The following KANK1 variants were observed in gnomAD, a reference collection of about 807,000 sequenced individuals.
The protein encoded by KANK1 is KN motif and ankyrin repeat domain-containing protein 1.
Under a neutral mutation model 106.2 loss-of-function variants are expected in KANK1, and 109 were observed. The ratio of observed to expected loss-of-function variants is 1.03; its 90% CI spans 0.88 to 1.20. The LOEUF is 1.20. Among genes scored for constraint, KANK1 ranks in the 50% most tolerant of loss-of-function variants. KANK1 has a pLI of 0.00. For missense variants in KANK1, 2,399 were observed against 1,710.7 expected (o/e 1.40, Z -7.10); for synonymous variants, 873 against 652.2 (o/e 1.34, Z -5.16).
chr9:493,636 C>T (rs1171662442), intron 3 of KANK1, among the ~76,000 whole-genome samples: 1 of 149,786 alleles, frequency 6.7e-6, no homozygotes, highest in Non-Finnish European at 1.5e-5. Flanking sequence ...CAACCTCTAC[C>T]TCCCAGGCTC....
intron 1 of KANK1, among the ~76,000 whole-genome samples, chr9:649,006 C>T (rs10156623): frequency 0.46 from 69,421 of 151,966 alleles, 19,934 homozygotes; most frequent in African/African-American, 0.8. Context: ...TACTAAGTGG[C>T]GATGACACTG....
At chr9:599,393 C>T (rs1418327970) in intron 1 of KANK1, among the ~76,000 whole-genome samples, 2 of 151,750 alleles carry the variant, frequency 1.3e-5, no homozygotes, top group Non-Finnish European at 2.9e-5. Context: ...CCCCACTATT[C>T]CTCCAAATAT....
chr9:580,490 T>C (rs759605200), intron 1 of KANK1, among the ~76,000 whole-genome samples: 6 of 152,170 alleles, frequency 3.9e-5, no homozygotes, highest in Non-Finnish European at 7.4e-5. Context: ...AGCTGATTGG[T>C]CCATTTTGAC....
At chr9:598,615 G>GTTTTTTT (rs1306483082) in intron 1 of KANK1, among the ~76,000 whole-genome samples, 5 of 73,332 alleles carry the variant, frequency 6.8e-5, no homozygotes, top group East Asian at 8.6e-4. Flanking sequence ...TGTTTTGTTG[G>GTTTTTTT]TTTTCTTTTT....
intron 1 of KANK1, among the ~76,000 whole-genome samples, chr9:580,745 C>G (rs975582917): frequency 1.3e-5 from 2 of 152,266 alleles, no homozygotes; most frequent in African/African-American, 4.8e-5. Flanking sequence ...GGCGGAGCTG[C>G]CTGCCAGTCC....
intron 1 of KANK1, among the ~76,000 whole-genome samples, chr9:555,129 G>C (rs1013503221): frequency 2.6e-5 from 4 of 152,208 alleles, no homozygotes; most frequent in South Asian, 4.1e-4. Context: ...TCATAAGACA[G>C]TAGAACCCCT....
intron 1 of KANK1, among the ~76,000 whole-genome samples, chr9:581,271 G>T (rs985576895): frequency 4.6e-5 from 7 of 152,204 alleles, no homozygotes; most frequent in Non-Finnish European, 8.8e-5. Context: ...CAGAGGGGGC[G>T]CCGAGAGCAG....
chr9:621,261 T>C (rs1202196402), intron 1 of KANK1, among the ~76,000 whole-genome samples: 3 of 152,308 alleles, frequency 2.0e-5, no homozygotes, highest in Non-Finnish European at 1.5e-5. Context: ...AAATTAATAA[T>C]TTTGAGCTAT....
intron 1 of KANK1, among the ~76,000 whole-genome samples, chr9:654,035 G>A (rs1396688803): frequency 6.6e-6 from 1 of 152,178 alleles, no homozygotes; most frequent in Non-Finnish European, 1.5e-5. Flanking sequence ...CCACATGAAA[G>A]ACACAAACTG....
At chr9:611,922 G>C (rs867492363) in intron 1 of KANK1, among the ~76,000 whole-genome samples, 1 of 152,104 alleles carries the variant, frequency 6.6e-6, no homozygotes, top group South Asian at 2.1e-4. Context: ...GTTTCACCGT[G>C]TTAGCCAGGA....
intron 3 of KANK1, chr9:484,473 A>G (rs2058258166): frequency 6.6e-6 from 1 of 152,236 alleles, no homozygotes; most frequent in Non-Finnish European, 1.5e-5. Flanking sequence ...ATTCTTCAAC[A>G]AAGTTAAAAG....
At chr9:744,168 G>A (rs1450976017) in intron 10 of KANK1, among the ~76,000 whole-genome samples, 1 of 144,048 alleles carries the variant, frequency 6.9e-6, no homozygotes, top group African/African-American at 2.6e-5. Context: ...CACTACTGCT[G>A]CTTGCCTGGT....
rs530846005 is a variant in KANK1, at chr9:743,437, T to G, written c.3897+1032T>G. ...CCGACTTCTTTCTTCCAGAAGAGTTTGTTAGCTGTGCTGTGGTTTTTGTTT... is the reference window on the plus strand; with the variant it reads ...CCGACTTCTTTCTTCCAGAAGAGTTGGTTAGCTGTGCTGTGGTTTTTGTTT... On this transcript the variant is annotated intron_variant, in intron 10 of 11. Transcript: ENST00000382297. 5.9e-5 allele frequency among the ~76,000 whole-genome samples: 9 copies of G among 152,344 alleles called. No homozygotes were observed. In the East Asian group the frequency reaches 1.3e-3, roughly 23 times the overall value.
chr9:518,500 C>T (rs1009888093), intron 1 of KANK1, among the ~76,000 whole-genome samples: 6 of 151,584 alleles, frequency 4.0e-5, no homozygotes, highest in Non-Finnish European at 7.4e-5. Context: ...GGGAGGGGTT[C>T]GGAGCATGGG....
At chr9:744,856 C>CAGAT (rs1212045152) in intron 11 of KANK1, 2 of 1,413,810 alleles carry the variant, frequency 1.4e-6, no homozygotes, top group African/African-American at 2.9e-5. Flanking sequence ...CAGAATTATC[C>CAGAT]AGATAGCAGC....
At chr9:545,468 T>A (rs1274804592) in intron 1 of KANK1, among the ~76,000 whole-genome samples, 1 of 152,036 alleles carries the variant, frequency 6.6e-6, no homozygotes, top group Non-Finnish European at 1.5e-5. Context: ...ATCACCTAGT[T>A]AGAGGTGGGG....
intron 1 of KANK1, among the ~76,000 whole-genome samples, chr9:582,875 C>T (rs1822522053): frequency 6.6e-6 from 1 of 152,220 alleles, no homozygotes; most frequent in Non-Finnish European, 1.5e-5. Flanking sequence ...ACGTCACTAA[C>T]ATATAAGCCG....
chr9:722,090 G>A (rs1453724266), intron 3 of KANK1, among the ~76,000 whole-genome samples: 1 of 152,178 alleles, frequency 6.6e-6, no homozygotes, highest in African/African-American at 2.4e-5. Context: ...CCTCCAAGCT[G>A]TCCTTGTTCA....
At chr9:479,088 T>C (rs896031120) in intron 3 of KANK1, among the ~76,000 whole-genome samples, 3 of 152,288 alleles carry the variant, frequency 2.0e-5, no homozygotes, top group African/African-American at 7.2e-5. Flanking sequence ...AATACTTCTC[T>C]TTCACTTGTC....
Sources: allele counts gnomAD v4.1 joint callset (sites outside exome capture counted in the v4.1 genomes callset), GRCh38; gene constraint gnomAD v4.1.1; transcripts MANE v1.5; gene names NCBI Gene and HGNC (gene_info 2026-07-23, HGNC 2026-07-21).